Variants in LTBR observed in about 807,000 individuals in gnomAD.
LTBR encodes the protein lymphotoxin beta receptor, also known as tumor necrosis factor receptor superfamily member 3.
A neutral mutation model predicts 45.4 loss-of-function variants in LTBR; 15 were observed. The ratio of observed to expected loss-of-function variants is 0.33; its 90% confidence interval spans 0.22 to 0.51. The LOEUF is 0.51. Among genes scored for constraint, LTBR ranks in the 20% least tolerant of loss-of-function variants. LTBR has a pLI of 0.97. For missense variants in LTBR, 450 were observed against 565.5 expected, an observed-to-expected ratio of 0.80 and a Z score of 2.07; for synonymous variants, 228 against 231.0, an observed-to-expected ratio of 0.99 and a Z score of 0.12.
In LTBR at chr12:6,386,510, T is replaced by TA. The variant is rs902865728; in HGVS notation, c.667+74dup. 247 of 1,229,312 alleles carry TA rather than the reference T, an allele frequency of 2.0e-4. No homozygotes were observed. Among genetic ancestry groups the TA allele is most frequent in the Non-Finnish European group, 2.7e-4 (232 of 857,384 alleles). The allele number at this position is 1,229,312 out of a possible 1,614,324, so 76.2% of individuals were successfully genotyped here. On this transcript the variant is annotated intron_variant, in intron 6 of 9. Coordinates refer to ENST00000228918, the MANE Select transcript of LTBR (RefSeq NM_002342.3). This position sits in a 1 kb window ranked among gnomAD's most constrained non-coding sequence, Gnocchi z 4.1. ...GAAAATGCCTTAATGCTCCACATCT[T>TA]AAAAAAAATGGGGAAAAGATGAACA...
At chr12:6,389,938 C>G in intron 8 of LTBR, 174 bp from the exon 9 acceptor site, 1 of 602,572 alleles carries the variant, frequency 1.7e-6, no homozygotes, top group Middle Eastern at 4.4e-4. Context: ...GCCTGGGTGA[C>G]AGACCCTGAC....
chr12:6,383,895 C>G (rs1949007760), upstream of LTBR: 9 of 415,118 alleles, frequency 2.2e-5, no homozygotes, highest in Non-Finnish European at 3.0e-5. Context: ...CCTCTGCTCT[C>G]CCTGCGAGGC....
At position 6,376,019 on chromosome 12, in the gene LTBR, T is replaced by C. The variant is rs1334061347; in HGVS notation, c.39+425T>C. 5 of 994,036 alleles carry C rather than the reference T, an allele frequency of 5.0e-6. No homozygotes were observed. The East Asian group carries it at 5.5e-4, about 109-fold the overall frequency. 61.6% of individuals were successfully genotyped at this position (994,036 alleles called of 1,614,324 possible). On this transcript the variant is annotated intron_variant, in intron 1 of 9. Coordinates refer to the LTBR transcript ENST00000539925. Reference sequence around the variant, plus strand: ...AGGAGCCAGCACCAAAGGGAGTCTGTCTCCAGGAAGGAGAGCAAGGGGGGA... The same window carrying C: ...AGGAGCCAGCACCAAAGGGAGTCTGCCTCCAGGAAGGAGAGCAAGGGGGGA...
rs1436371245 is a variant in LTBR at position 6,385,161 on chromosome 12, T to G, written c.319+14T>G. ...CCTGTGACCCAGGTGAGTGGGGATG[T>G]GCCTGCGGGGGGGCTGGATCCCCTG... On this transcript the variant is annotated intron_variant, in intron 3 of 9. Transcript: ENST00000228918. 6.2e-7 allele frequency: 1 copy of G among 1,614,214 alleles called. No homozygotes were observed. Among genetic ancestry groups the G allele is most frequent in the South Asian group, 1.1e-5 (1 of 91,084 alleles).
At chr12:6,389,568 A>T (rs7977602) in intron 8 of LTBR, 1 of 155,062 alleles carries the variant, frequency 6.4e-6, no homozygotes, top group African/African-American at 2.4e-5. Flanking sequence ...TTGGGAGGCC[A>T]AGGCGGGTGG....
chr12:6,377,015 G>A (rs1948924355), intron 1 of LTBR: 1 of 448,240 alleles, frequency 2.2e-6, no homozygotes, highest in Non-Finnish European at 3.9e-6. Flanking sequence ...TAAGAGCCAA[G>A]GGCTAGGGGA....
rs1298062050 is a variant in LTBR, at chr12:6,391,198, G to C, written c.*261G>C. On this transcript the variant is annotated 3_prime_UTR_variant, in exon 10 of 10. Coordinates refer to ENST00000228918, the MANE Select transcript of LTBR (RefSeq NM_002342.3). The stretch of plus-strand genomic sequence containing the variant: ...CCTGGGGCTGCTCAGCCTCAGGCAC[G>C]GACAGGGCACATGATACCAACTGCT... 2.7e-6 allele frequency: 1 copy of C among 375,266 alleles called. No homozygotes were observed. The highest frequency in any genetic ancestry group is 4.8e-6 in the Non-Finnish European group (1 of 210,392). 23.2% of individuals were successfully genotyped at this position (375,266 alleles called of 1,614,324 possible).
At chr12:6,379,455 G>T (rs900021723), upstream of LTBR, among the ~76,000 whole-genome samples, 1 of 152,172 alleles carries the variant, frequency 6.6e-6, no homozygotes, top group African/African-American at 2.4e-5. Flanking sequence ...TTAGTTAAAT[G>T]CAACTCTTTA....
chr12:6,387,615 G>A (rs1949063707), intron 6 of LTBR: 1 of 207,346 alleles, frequency 4.8e-6, no homozygotes, highest in Non-Finnish European at 1.0e-5. Context: ...AATGAGAAGA[G>A]GCAAAATGCC....
At chr12:6,376,407 G>A (rs1592091943) in intron 1 of LTBR, among the ~76,000 whole-genome samples, 1 of 152,230 alleles carries the variant, frequency 6.6e-6, no homozygotes, top group African/African-American at 2.4e-5. Flanking sequence ...AGGAATGTGG[G>A]CAACCAGAGG....
At chr12:6,375,934 A>T in intron 1 of LTBR, 1 of 1,021,448 alleles carries the variant, frequency 9.8e-7, no homozygotes, top group Non-Finnish European at 1.2e-6. Context: ...AGAGATAGGG[A>T]TGGAGGAGGG....
At position 6,388,643 on chromosome 12, in the gene LTBR, G is replaced by A; in HGVS notation, c.775+138G>A. 8.9e-7 allele frequency: 1 copy of A among 1,125,348 alleles called. No homozygotes were observed. Among genetic ancestry groups the A allele is most frequent in the South Asian group, 1.3e-5 (1 of 75,988 alleles). The allele number at this position is 1,125,348 out of a possible 1,614,324, so 69.7% of individuals were successfully genotyped here. On this transcript the variant is annotated intron_variant, in intron 7 of 9. Coordinates refer to ENST00000228918, the MANE Select transcript of LTBR (RefSeq NM_002342.3). The surrounding 1 kb of genome is among the most constrained non-coding windows in gnomAD (Gnocchi z 4.3). ...ACATAGACATCCTTATCTTCATCCA[G>A]CTGCTTATTCTGAGGCTGGAGATGA... is the stretch of plus-strand genomic sequence containing the variant.
chr12:6,388,573 C>A lies in LTBR; in HGVS notation c.775+68C>A. On this transcript the variant is annotated intron_variant, in intron 7 of 9. Transcript: ENST00000228918. This position sits in a 1 kb window ranked among gnomAD's most constrained non-coding sequence, Gnocchi z 4.3. ...CGGAGGGAGGAATATTCAACTTCCCCGGTGCAACCCTCCACACCCTCAAGA... is the reference window on the plus strand; with the variant it reads ...CGGAGGGAGGAATATTCAACTTCCCAGGTGCAACCCTCCACACCCTCAAGA... 2 of 1,360,300 alleles carry A rather than the reference C, an allele frequency of 1.5e-6. No homozygotes were observed. Among genetic ancestry groups the A allele is most frequent in the South Asian group, 1.2e-5 (1 of 85,078 alleles). 84.3% of individuals were successfully genotyped at this position (1,360,300 alleles called of 1,614,324 possible).
At chr12:6,379,270 C>T (rs928472605), upstream of LTBR, among the ~76,000 whole-genome samples, 2 of 152,146 alleles carry the variant, frequency 1.3e-5, no homozygotes, top group East Asian at 1.9e-4. Flanking sequence ...GCAGAACTGG[C>T]GTCTTTCCTA....
upstream of LTBR, chr12:6,383,978 C>T (rs773513496): frequency 5.5e-6 from 6 of 1,093,624 alleles, no homozygotes; most frequent in East Asian, 5.4e-5. Flanking sequence ...TCCGCTCTCC[C>T]GATCGGGCTT....
Position 6,390,880 on chromosome 12 carries a change from C to CT in LTBR, c.1252dup (p.Cys418LeufsTer7). 6.2e-7 allele frequency: 1 copy of CT among 1,604,916 alleles called. No homozygotes were observed. The highest frequency in any genetic ancestry group is 8.5e-7 in the Non-Finnish European group (1 of 1,175,224). The stretch of plus-strand genomic sequence containing the variant: ...CTTGGCACCTAGCGGAGACAGAGCA[C>CT]TGTGGTGCCACACCCTCTAACAGGG... On this transcript the variant is annotated frameshift_variant, in exon 10 of 10. Transcript: ENST00000228918. LOFTEE classifies it low-confidence loss of function (END_TRUNC).
chr12:6,391,056 G>A lies in LTBR; in HGVS notation c.*119G>A, dbSNP rs71584824. 6,317 of 1,092,018 alleles carry A rather than the reference G, an allele frequency of 5.8e-3. 33 individuals carry two copies. Among genetic ancestry groups the A allele is most frequent in the Non-Finnish European group, 7.3e-3 (5,802 of 793,774 alleles). 67.6% of individuals were successfully genotyped at this position (1,092,018 alleles called of 1,614,324 possible). A position where few individuals can be genotyped will look rare whatever the true frequency, so the allele number is the denominator to read the frequency against. On this transcript the variant is annotated 3_prime_UTR_variant, in exon 10 of 10. Coordinates refer to ENST00000228918, the MANE Select transcript of LTBR (RefSeq NM_002342.3). ...GGGCCCGGGGAAGCAGAGCCCTAAG[G>A]GATTAAGGCTCAGACACCTCTGAGA...
rs149981490 is a variant in LTBR at position 6,386,081 on chromosome 12, G to T, written c.488G>T (p.Gly163Val). 2 of 1,613,820 alleles carry T rather than the reference G, an allele frequency of 1.2e-6. No homozygotes were observed. Among genetic ancestry groups the T allele is most frequent in the East Asian group, 2.2e-5 (1 of 44,846 alleles). ...CTCTTGCCAGATGAAGTTGGGAAGGGTAACAACCACTGCGTCCCCTGCAAG... is the reference window on the plus strand; with the variant it reads ...CTCTTGCCAGATGAAGTTGGGAAGGTTAACAACCACTGCGTCCCCTGCAAG... ...EAELKDEVGK[G>V]NNHCVPCKAG... Residue 163 changes from glycine to valine, a missense_variant, in exon 5 of 10, where the codon GGT becomes GTT. This residue lies in a region of LTBR where 367 missense variants were observed against 435.4 expected (regional missense o/e 0.84). Transcript: ENST00000228918. This position sits in a 1 kb window ranked among gnomAD's most constrained non-coding sequence, Gnocchi z 4.1.
In LTBR at chr12:6,390,228, T is replaced by G. The variant is rs1332745701; in HGVS notation, c.918T>G (p.Thr306=). 1 of 1,613,930 alleles carries G rather than the reference T, an allele frequency of 6.2e-7. No individual in the cohort carries two copies. The highest frequency in any genetic ancestry group is 8.5e-7 in the Non-Finnish European group (1 of 1,179,974). Residue 306 remains threonine (T), a synonymous_variant, in exon 9 of 10, where the codon ACT becomes ACG. Transcript: ENST00000228918. The stretch of plus-strand genomic sequence containing the variant: ...CTGGAGATGTTTCCCCAGTATCCAC[T>G]GGGCTCCCCGCAGCCCCAGTTTTGG... The part of the protein sequence containing the change: ...PISGDVSPVS[T]GLPAAPVLEA...
Sources: gnomAD v4.1 joint callset for allele counts (sites outside exome capture counted in the v4.1 genomes callset) on GRCh38, gnomAD v4.1.1 for gene constraint, gnomAD v4.1.1 regional missense constraint, Gnocchi (gnomAD v3.1) non-coding constraint, MANE v1.5 for transcripts, NCBI Gene and HGNC (gene_info 2026-07-23, HGNC 2026-07-21) for gene names.